CALCR: variants seen among roughly 807,000 people sequenced by gnomAD.
CALCR encodes calcitonin receptor.
A neutral mutation model predicts 59.5 loss-of-function variants in CALCR; 47 were observed. That is an observed-to-expected ratio of 0.79 (90% confidence interval 0.63 to 1.01). CALCR has a LOEUF of 1.01. Ranked by LOEUF, CALCR falls within the 50% of genes least tolerant of loss-of-function variation. The probability of loss-of-function intolerance (pLI) is 0.00; values close to 1 mark genes in which losing one functional copy is unlikely to be tolerated. For missense variants in CALCR, 566 were observed against 597.1 expected (o/e 0.95, Z 0.54); for synonymous variants, 213 against 211.3 (o/e 1.01, Z -0.07).
chr7:93,513,104 G>T (rs1801581692), intron 2 of CALCR, among the ~76,000 whole-genome samples: 1 of 152,112 alleles, frequency 6.6e-6, no homozygotes, highest in Non-Finnish European at 1.5e-5. Context: ...CTGCACTCTA[G>T]AAAGCCTGGA....
In CALCR at chr7:93,476,130, G is replaced by A. The variant is rs367580021; in HGVS notation, c.316+1428C>T. The stretch of plus-strand genomic sequence containing the variant: ...AAGGGCATCTGGGTTGAGAATCACC[G>A]TCCCAAACCATATTTGGACCATTTA... On this transcript the variant is annotated intron_variant, in intron 5 of 13. Transcript: ENST00000426151. Among the ~76,000 whole-genome samples the A allele has an allele frequency of 8.2e-4, 124 of 151,544 alleles. 1 individual carries two copies. The highest frequency in any genetic ancestry group is 1.1e-3 in the African/African-American group (46 of 41,382).
intron 8 of CALCR, among the ~76,000 whole-genome samples, chr7:93,456,425 G>T (rs1800209408): frequency 6.7e-6 from 1 of 150,060 alleles, no homozygotes. Flanking sequence ...TTGCCTCTTT[G>T]TTTTCTGTAG....
chr7:93,560,873 G>A lies in CALCR; in HGVS notation c.-27+13416C>T, dbSNP rs556940863. 3.3e-5 allele frequency among the ~76,000 whole-genome samples: 5 copies of A among 152,214 alleles called. No individual in the cohort carries two copies. The South Asian group carries it at 6.2e-4, about 19-fold the overall frequency. On this transcript the variant is annotated intron_variant, in intron 2 of 13. Transcript: ENST00000426151. ...AAGCTCCAACTTCATCACTTAACCCGATGAACTACTTTAACTCATGCTTTA... is the reference window on the plus strand; with the variant it reads ...AAGCTCCAACTTCATCACTTAACCCAATGAACTACTTTAACTCATGCTTTA...
At chr7:93,524,224 C>T (rs1584605680) in intron 2 of CALCR, among the ~76,000 whole-genome samples, 1 of 147,758 alleles carries the variant, frequency 6.8e-6, no homozygotes. Flanking sequence ...GGCTGGAGTG[C>T]AGTGGCATGA....
At chr7:93,464,373 G>C (rs1457044078) in intron 7 of CALCR, among the ~76,000 whole-genome samples, 1 of 151,952 alleles carries the variant, frequency 6.6e-6, no homozygotes, top group South Asian at 2.1e-4. Flanking sequence ...GAAGTTACTG[G>C]TGCATGGGAA....
intron 2 of CALCR, among the ~76,000 whole-genome samples, chr7:93,503,657 C>T (rs1801369392): frequency 6.6e-6 from 1 of 152,072 alleles, no homozygotes. Flanking sequence ...TGCACTGTTG[C>T]TGATAGGAAT....
chr7:93,456,411 T>G (rs1401717444), intron 8 of CALCR, among the ~76,000 whole-genome samples: 1 of 151,894 alleles, frequency 6.6e-6, no homozygotes, highest in Non-Finnish European at 1.5e-5. Flanking sequence ...AATATCCAAG[T>G]TTTTTGCCTC....
chr7:93,464,679 C>T (rs1800405288), intron 7 of CALCR, among the ~76,000 whole-genome samples: 1 of 151,900 alleles, frequency 6.6e-6, no homozygotes, highest in Admixed American at 6.6e-5. Context: ...CCTATTACTA[C>T]TGTTCTATGG....
At chr7:93,566,017 T>A (rs2116280201) in intron 2 of CALCR, among the ~76,000 whole-genome samples, 1 of 152,286 alleles carries the variant, frequency 6.6e-6, no homozygotes, top group South Asian at 2.1e-4. Context: ...TATGAACACC[T>A]CACTAGAGAG....
At chr7:93,434,594 G>GAAA (rs74532696) in intron 12 of CALCR, among the ~76,000 whole-genome samples, 3,536 of 146,944 alleles carry the variant, frequency 0.024, 70 homozygotes, top group Admixed American at 0.053. Context: ...TGGTGAATTT[G>GAAA]AAAAAAAAAA....
intron 8 of CALCR, among the ~76,000 whole-genome samples, chr7:93,448,168 T>C (rs1488109673): frequency 6.6e-6 from 1 of 151,992 alleles, no homozygotes; most frequent in African/African-American, 2.4e-5. Context: ...ACATTTCGTG[T>C]GCACAAAAAC....
chr7:93,478,636 A>AATATATATATATATATAT (rs10543619), intron 4 of CALCR, among the ~76,000 whole-genome samples: 1 of 147,478 alleles, frequency 6.8e-6, no homozygotes, highest in African/African-American at 2.5e-5. Context: ...CCCTGTCTTA[A>AATATATATATATATATAT]ATATATATAT....
chr7:93,481,496 T>C (rs1215785267), intron 3 of CALCR, among the ~76,000 whole-genome samples: 1 of 151,752 alleles, frequency 6.6e-6, no homozygotes, highest in Non-Finnish European at 1.5e-5. Context: ...ATAATTAGCC[T>C]AGATATTTGG....
At chr7:93,465,242 T>C (rs536060705) in intron 7 of CALCR, among the ~76,000 whole-genome samples, 4 of 152,076 alleles carry the variant, frequency 2.6e-5, no homozygotes, top group South Asian at 4.1e-4. Context: ...GTAATTGAAA[T>C]TTATGGATAA....
At chr7:93,543,968 G>A (rs954560277) in intron 2 of CALCR, among the ~76,000 whole-genome samples, 1 of 151,496 alleles carries the variant, frequency 6.6e-6, no homozygotes, top group Non-Finnish European at 1.5e-5. Context: ...TATTTCAGTA[G>A]AAATTAAAAG....
chr7:93,441,787 C>A (rs952579030), intron 9 of CALCR, among the ~76,000 whole-genome samples: 3 of 152,104 alleles, frequency 2.0e-5, no homozygotes, highest in South Asian at 4.1e-4. Context: ...GTACAGTTCA[C>A]AAAGACCCCT....
At chr7:93,500,747 C>T (rs1801304670) in intron 2 of CALCR, among the ~76,000 whole-genome samples, 1 of 151,912 alleles carries the variant, frequency 6.6e-6, no homozygotes, top group African/African-American at 2.4e-5. Flanking sequence ...GGGAGCTATC[C>T]TCATGCACCC....
intron 8 of CALCR, 134 bp from the exon 9 acceptor site, chr7:93,443,891 T>C (rs1799961485): frequency 1.5e-6 from 1 of 684,474 alleles, no homozygotes; most frequent in Admixed American, 2.6e-5. Flanking sequence ...TCTGTAAACA[T>C]GTGCCACCTG....
At chr7:93,436,226 T>C (rs2115692721) in intron 11 of CALCR, 56 bp from the exon 12 acceptor site, 2 of 1,367,298 alleles carry the variant, frequency 1.5e-6, no homozygotes, top group East Asian at 2.3e-5. Flanking sequence ...CTTAAGAATA[T>C]GCACTGTTCT....
Sources: allele counts gnomAD v4.1 joint callset (sites outside exome capture counted in the v4.1 genomes callset), GRCh38; gene constraint gnomAD v4.1.1; transcripts MANE v1.5; gene names NCBI Gene and HGNC (gene_info 2026-07-23, HGNC 2026-07-21).